Variants in TNFRSF10C observed in about 807,000 individuals in gnomAD.
TNFRSF10C encodes the protein TNF receptor superfamily member 10c.
A neutral mutation model predicts 16.7 loss-of-function variants in TNFRSF10C; 17 were observed. That is an observed-to-expected ratio of 1.02 (90% confidence interval 0.70 to 1.53). TNFRSF10C has a LOEUF of 1.53. Among genes scored for constraint, TNFRSF10C ranks in the 40% most tolerant of loss-of-function variants. TNFRSF10C has a pLI of 0.00. For missense variants in TNFRSF10C, 237 were observed against 329.7 expected, an observed-to-expected ratio of 0.72 and a Z score of 2.18; for synonymous variants, 73 against 119.7, an observed-to-expected ratio of 0.61 and a Z score of 2.55.
chr8:23,114,698 A>G lies in TNFRSF10C; in HGVS notation c.208A>G (p.Thr70Ala). Reference protein sequence around the residue: ...SEHTGACNPCTEGVDYTNASN... With the variant: ...SEHTGACNPCAEGVDYTNASN... The stretch of plus-strand genomic sequence containing the variant: ...ACATACTGGAGCCTGTAACCCGTGC[A>G]CAGAGGGTGTGGATTACACCAACGC... The change falls in exon 3 of 5, where the codon ACA (threonine) becomes GCA (alanine). Residue 70 changes from threonine (T) to alanine (A), a missense_variant. Physicochemically the swap from Thr to Ala is moderately conservative, Grantham distance 58. Coordinates refer to ENST00000356864, the MANE Select transcript of TNFRSF10C (RefSeq NM_003841.5). 1 of 1,614,122 alleles carries G rather than the reference A, an allele frequency of 6.2e-7. No individual in the cohort carries two copies. Among genetic ancestry groups the G allele is most frequent in the Non-Finnish European group, 8.5e-7 (1 of 1,179,970 alleles).
At position 23,103,047 on chromosome 8, in the gene TNFRSF10C, G is replaced by A. The variant is rs1270679020; in HGVS notation, c.-75G>A. The A allele has an allele frequency of 6.4e-7, 1 of 1,572,328 alleles. No individual in the cohort carries two copies. Among genetic ancestry groups the A allele is most frequent in the African/African-American group, 1.3e-5 (1 of 74,284 alleles). Reference sequence around the variant, plus strand: ...CTTCCTACCGTTAGGGAACTCTGGGGACAGAGCGCCCCGGCCGCCTGATGG... The same window carrying A: ...CTTCCTACCGTTAGGGAACTCTGGGAACAGAGCGCCCCGGCCGCCTGATGG... On this transcript the variant is annotated 5_prime_UTR_variant, in exon 1 of 5. Transcript: ENST00000356864.
rs756775757 is a variant in TNFRSF10C at position 23,116,721 on chromosome 8, C to T, written c.470C>T (p.Ala157Val). The change falls in exon 5 of 5, where the codon GCC (alanine) becomes GTC (valine). Residue 157 changes from alanine to valine, a missense_variant. By Grantham distance (64) the Ala-to-Val change is moderately conservative. Around this residue, in one of 2 missense-constraint regions of TNFRSF10C, gnomAD observed 212 missense variants for 196.8 expected, o/e 1.08. Transcript: ENST00000356864. The part of the protein sequence containing the change: ...IQCVEEFGAN[A>V]TVETPAAEET... ...TGTGTTGAAGAATTTGGTGCCAATG[C>T]CACTGTGGAAACCCCAGCTGCTGAA... The T allele has an allele frequency of 1.2e-6, 2 of 1,614,126 alleles. No individual in the cohort carries two copies. Among genetic ancestry groups the T allele is most frequent in the Non-Finnish European group, 1.7e-6 (2 of 1,180,050 alleles).
chr8:23,103,298 C>G (rs553195395), intron 1 of TNFRSF10C, 117 bp downstream of exon 1: 3 of 1,511,258 alleles, frequency 2.0e-6, no homozygotes, highest in Admixed American at 2.0e-5. Flanking sequence ...CGGGCATGTC[C>G]GGGCAGGACG....
chr8:23,115,643 C>T (rs1250197129), intron 4 of TNFRSF10C, 27 bp downstream of exon 4: 2 of 1,590,002 alleles, frequency 1.3e-6, no homozygotes, highest in South Asian at 2.2e-5. Context: ...GGGCTCCTGA[C>T]AGCTTTCAGG....
chr8:23,109,169 GT>G (rs1813832549), intron 1 of TNFRSF10C, among the ~76,000 whole-genome samples: 1 of 152,112 alleles, frequency 6.6e-6, no homozygotes, highest in Non-Finnish European at 1.5e-5. Context: ...AGGGTATGTA[GT>G]TCCTTTCTGG....
chr8:23,108,637 A>G (rs1395743566), intron 1 of TNFRSF10C, among the ~76,000 whole-genome samples: 1 of 152,252 alleles, frequency 6.6e-6, no homozygotes, highest in Non-Finnish European at 1.5e-5. Flanking sequence ...TATGCCTAGT[A>G]ATACATCTTC....
In TNFRSF10C at chr8:23,102,951, G is replaced by A; in HGVS notation, c.-171G>A. The A allele has an allele frequency of 6.7e-7, 1 of 1,501,712 alleles. No homozygotes were observed. The highest frequency in any genetic ancestry group is 1.3e-5 in the South Asian group (1 of 78,174). The allele number at this position is 1,501,712 out of a possible 1,614,324, so 93.0% of individuals were successfully genotyped here. On this transcript the variant is annotated 5_prime_UTR_variant, in exon 1 of 5. Transcript: ENST00000356864. Reference sequence around the variant, plus strand: ...TGCAGCTGTGGGAACCTCTCCACGCGCACGAACTCAGCCAACGATTTCTGA... The same window carrying A: ...TGCAGCTGTGGGAACCTCTCCACGCACACGAACTCAGCCAACGATTTCTGA...
chr8:23,103,814 A>C (rs1161585557), intron 1 of TNFRSF10C, among the ~76,000 whole-genome samples: 1 of 152,222 alleles, frequency 6.6e-6, no homozygotes, highest in Non-Finnish European at 1.5e-5. Flanking sequence ...GGCTTTGGAA[A>C]CTGAGATTGG....
At position 23,115,517 on chromosome 8, in the gene TNFRSF10C, A is replaced by G. The variant is rs777523887; in HGVS notation, c.290A>G (p.His97Arg). The change falls in exon 4 of 5, where the codon CAT (histidine) becomes CGT (arginine). Residue 97 changes from histidine to arginine, a missense_variant. Around this residue, in one of 2 missense-constraint regions of TNFRSF10C, gnomAD observed 212 missense variants for 196.8 expected, o/e 1.08. Transcript: ENST00000356864. ...PCTVCKSDQK[H>R]KSSCTMTRDT... ...TATGCTCTGTTGTCAGATCAAAAACATAAAAGTTCCTGCACCATGACCAGA... is the reference window on the plus strand; with the variant it reads ...TATGCTCTGTTGTCAGATCAAAAACGTAAAAGTTCCTGCACCATGACCAGA... 1 of 1,612,830 alleles carries G rather than the reference A, an allele frequency of 6.2e-7. No individual in the cohort carries two copies. The highest frequency in any genetic ancestry group is 1.1e-5 in the South Asian group (1 of 90,786).
At chr8:23,110,433 G>A (rs1443893959) in intron 1 of TNFRSF10C, among the ~76,000 whole-genome samples, 1 of 152,134 alleles carries the variant, frequency 6.6e-6, no homozygotes, top group Non-Finnish European at 1.5e-5. Flanking sequence ...TTAAAGAAAA[G>A]TTACAAAAAC....
At position 23,114,790 on chromosome 8, in the gene TNFRSF10C, C is replaced by T. The variant is rs1398395313; in HGVS notation, c.280+20C>T. The T allele has an allele frequency of 6.2e-7, 1 of 1,602,382 alleles. No homozygotes were observed. The highest frequency in any genetic ancestry group is 1.7e-5 in the Admixed American group (1 of 59,970). On this transcript the variant is annotated intron_variant, in intron 3 of 4. Transcript: ENST00000356864. ...AATCAGGTACAGAATGTGTGGACCT[C>T]TTGTCCAGAGGTGGAGCGTGGGGCA...
In TNFRSF10C at chr8:23,111,954, A is replaced by C; in HGVS notation, c.166+129A>C. On this transcript the variant is annotated intron_variant, in intron 2 of 4. Coordinates refer to ENST00000356864, the MANE Select transcript of TNFRSF10C (RefSeq NM_003841.5). ...GAATGGCTAAATCAAGCTAATTCACATACTTAATCATGTATTCGTGGTAAG... is the reference window on the plus strand; with the variant it reads ...GAATGGCTAAATCAAGCTAATTCACCTACTTAATCATGTATTCGTGGTAAG... 3 of 944,768 alleles carry C rather than the reference A, an allele frequency of 3.2e-6. No homozygotes were observed. In the South Asian group the frequency reaches 4.8e-5, roughly 15 times the overall value. The allele number at this position is 944,768 out of a possible 1,614,324, so 58.5% of individuals were successfully genotyped here.
chr8:23,116,490 C>T (rs1014758819), intron 4 of TNFRSF10C, 151 bp from the exon 5 acceptor site: 5 of 1,086,900 alleles, frequency 4.6e-6, no homozygotes, highest in South Asian at 1.6e-5. Flanking sequence ...CCAGCCTCAA[C>T]GAGGGAACTT....
intron 1 of TNFRSF10C, 114 bp downstream of exon 1, chr8:23,103,295 G>A (rs1210782049): frequency 2.0e-6 from 3 of 1,520,474 alleles, no homozygotes; most frequent in East Asian, 4.9e-5. Flanking sequence ...GGCCGGGCAT[G>A]TCCGGGCAGG....
At chr8:23,105,678 A>G (rs1460227603) in intron 1 of TNFRSF10C, among the ~76,000 whole-genome samples, 2 of 152,172 alleles carry the variant, frequency 1.3e-5, no homozygotes, top group Admixed American at 1.3e-4. Flanking sequence ...CCACAGTCCC[A>G]GTTCTGGTCC....
Position 23,114,731 on chromosome 8 carries a change from A to C in TNFRSF10C, c.241A>C (p.Asn81His). Residue 81 changes from asparagine to histidine, a missense_variant, in exon 3 of 5, where the codon AAT becomes CAT. By Grantham distance (68) the Asn-to-His change is moderately conservative. Transcript: ENST00000356864. Reference sequence around the variant, plus strand: ...TGTGGATTACACCAACGCTTCCAACAATGAACCTTCTTGCTTCCCATGTAC... The same window carrying C: ...TGTGGATTACACCAACGCTTCCAACCATGAACCTTCTTGCTTCCCATGTAC... ...EGVDYTNASN[N>H]EPSCFPCTVC... is the part of the protein sequence containing the mutation. 1 of 1,614,078 alleles carries C rather than the reference A, an allele frequency of 6.2e-7. No individual in the cohort carries two copies.
rs931300806 is a variant in TNFRSF10C, at chr8:23,111,615, A to G, written c.61-105A>G. ...AGTTTGGAGCTGGAAAAAATGTCCA[A>G]GCTCTGATGGGTTTTGTCACTTGGG... is the stretch of plus-strand genomic sequence containing the variant. On this transcript the variant is annotated intron_variant, in intron 1 of 4. Coordinates refer to ENST00000356864, the MANE Select transcript of TNFRSF10C (RefSeq NM_003841.5). The G allele has an allele frequency of 5.9e-5, 52 of 888,176 alleles. No individual in the cohort carries two copies. In the Admixed American group the frequency reaches 1.1e-3, roughly 19 times the overall value. The allele number at this position is 888,176 out of a possible 1,614,324, so 55.0% of individuals were successfully genotyped here. A position where few individuals can be genotyped will look rare whatever the true frequency, so the allele number is the denominator to read the frequency against.
rs56263402 is a variant in TNFRSF10C at position 23,110,069 on chromosome 8, C to CAAAAAAAAAAAAAAAAAAAAAAAA, written c.61-1648_61-1625dup. Among the ~76,000 whole-genome samples, 11 of 39,644 alleles carry CAAAAAAAAAAAAAAAAAAAAAAAA rather than the reference C, an allele frequency of 2.8e-4. 2 individuals carry two copies. The highest frequency in any genetic ancestry group is 1.9e-3 in the East Asian group (2 of 1,068). The allele number at this position is 39,644 out of a possible 152,430, so 26.0% of individuals were successfully genotyped here. A position where few individuals can be genotyped will look rare whatever the true frequency, so the allele number is the denominator to read the frequency against. ...GGAGGACAGAGGGAGACCCTGTCTC[C>CAAAAAAAAAAAAAAAAAAAAAAAA]AAAAAAAAAAAAAAAAAAAAAAAAA... On this transcript the variant is annotated intron_variant, in intron 1 of 4. Coordinates refer to ENST00000356864, the MANE Select transcript of TNFRSF10C (RefSeq NM_003841.5).
chr8:23,107,669 G>A (rs1258461597), intron 1 of TNFRSF10C, among the ~76,000 whole-genome samples: 1 of 152,148 alleles, frequency 6.6e-6, no homozygotes, highest in African/African-American at 2.4e-5. Flanking sequence ...AAAATGTGCA[G>A]GGGGAAAAGG....
Sources: gnomAD v4.1 joint callset for allele counts (sites outside exome capture counted in the v4.1 genomes callset) on GRCh38, gnomAD v4.1.1 for gene constraint, gnomAD v4.1.1 regional missense constraint, MANE v1.5 for transcripts, NCBI Gene and HGNC (gene_info 2026-07-23, HGNC 2026-07-21) for gene names.